The following SLC15A4 variants were observed in gnomAD, a reference collection of about 807,000 sequenced individuals.
SLC15A4 encodes hPHT1.
Under a neutral mutation model 46.1 loss-of-function variants are expected in SLC15A4, and 26 were observed. The ratio of observed to expected loss-of-function variants is 0.56; its 90% confidence interval spans 0.41 to 0.78. SLC15A4 has a LOEUF of 0.78. SLC15A4 is among the 30% of genes least tolerant of loss of function. The pLI is 0.00. For missense variants in SLC15A4, 751 were observed against 755.7 expected (o/e 0.99, Z 0.07); for synonymous variants, 370 against 333.4 (o/e 1.11, Z -1.20).
Position 128,808,856 on chromosome 12 carries a change from A to T in SLC15A4, c.1190T>A (p.Leu397Gln). The change falls in exon 5 of 8, where the codon CTG (leucine) becomes CAG (glutamine). Residue 397 changes from leucine to glutamine, a missense_variant. Coordinates refer to ENST00000266771, the MANE Select transcript of SLC15A4 (RefSeq NM_145648.4). ...LVDPILRRHG[L>Q]LPSSLKRIAV... ...GATCCTCTTCAGGGAGGATGGGAGCAGGCCATGTCTTCTCAAAATGGGATC... is the reference window on the plus strand; with the variant it reads ...GATCCTCTTCAGGGAGGATGGGAGCTGGCCATGTCTTCTCAAAATGGGATC... The T allele has an allele frequency of 3.1e-6, 5 of 1,614,246 alleles. No individual in the cohort carries two copies. The highest frequency in any genetic ancestry group is 4.2e-6 in the Non-Finnish European group (5 of 1,180,046).
chr12:128,812,118 T>C (rs1205359846), intron 2 of SLC15A4, among the ~76,000 whole-genome samples: 1 of 152,238 alleles, frequency 6.6e-6, no homozygotes, highest in African/African-American at 2.4e-5. Context: ...CAAAAAGCTG[T>C]AGAACCATTT....
intron 1 of SLC15A4, among the ~76,000 whole-genome samples, chr12:128,820,097 G>T (rs764727228): frequency 6.6e-6 from 1 of 152,210 alleles, no homozygotes; most frequent in Non-Finnish European, 1.5e-5. Flanking sequence ...ACACCTGTGT[G>T]GGGTGGCCAA....
At position 128,800,900 on chromosome 12, in the gene SLC15A4, C is replaced by A; in HGVS notation, c.1368G>T (p.Pro456=). 2.5e-6 allele frequency: 4 copies of A among 1,613,990 alleles called. No homozygotes were observed. The highest frequency in any genetic ancestry group is 1.1e-5 in the South Asian group (1 of 91,056). Residue 456 remains proline, a synonymous_variant, in exon 6 of 8, where the codon CCG becomes CCT. Transcript: ENST00000266771. The part of the protein sequence containing the change: ...AADLSLWWQV[P]QYLLIGISEI... Reference sequence around the variant, plus strand: ...CGCTGATCCCAATCAGCAAGTACTGCGGCACCTGCCACCACAGCGACAGAT... The same window carrying A: ...CGCTGATCCCAATCAGCAAGTACTGAGGCACCTGCCACCACAGCGACAGAT...
chr12:128,822,600 A>G (rs1271405155), intron 1 of SLC15A4, among the ~76,000 whole-genome samples: 1 of 151,838 alleles, frequency 6.6e-6, no homozygotes, highest in Non-Finnish European at 1.5e-5. Context: ...CTCAGGCTGG[A>G]GGAGTGGAGT....
chr12:128,817,527 C>T (rs1284706420), intron 1 of SLC15A4, among the ~76,000 whole-genome samples: 2 of 151,996 alleles, frequency 1.3e-5, no homozygotes, highest in Non-Finnish European at 2.9e-5. Flanking sequence ...TGACACTGCA[C>T]ACACCTTCCC....
At chr12:128,801,563 G>A (rs1955519291) in intron 5 of SLC15A4, 1 of 152,542 alleles carries the variant, frequency 6.6e-6, no homozygotes, top group Non-Finnish European at 1.5e-5. Flanking sequence ...AAATCAACCT[G>A]TGCTCTCAGC....
intron 7 of SLC15A4, among the ~76,000 whole-genome samples, chr12:128,795,982 CA>C (rs1955438144): frequency 6.6e-6 from 1 of 152,220 alleles, no homozygotes; most frequent in Non-Finnish European, 1.5e-5. Flanking sequence ...TGCTCCTCTT[CA>C]AAAACACTTT....
At chr12:128,812,311 T>G (rs1955667589) in intron 2 of SLC15A4, among the ~76,000 whole-genome samples, 2 of 129,646 alleles carry the variant, frequency 1.5e-5, no homozygotes, top group Admixed American at 7.3e-5. Context: ...AGGCCCAACT[T>G]TTTTTTTTTA....
chr12:128,795,644 C>A (rs1383610489), intron 7 of SLC15A4, among the ~76,000 whole-genome samples: 1 of 152,262 alleles, frequency 6.6e-6, no homozygotes, highest in Non-Finnish European at 1.5e-5. Flanking sequence ...ACTCTGCAAA[C>A]TGGCAGTCTC....
intron 4 of SLC15A4, 96 bp downstream of exon 4, chr12:128,809,300 T>G: frequency 1.3e-6 from 1 of 780,654 alleles, no homozygotes. Flanking sequence ...GTGTCGGTGC[T>G]GTTAACATTT....
intron 1 of SLC15A4, among the ~76,000 whole-genome samples, chr12:128,816,206 G>C (rs1955749452): frequency 6.6e-6 from 1 of 152,152 alleles, no homozygotes; most frequent in South Asian, 2.1e-4. Flanking sequence ...CAAGCGGTGG[G>C]AACAGGTCAT....
chr12:128,809,227 T>A (rs1485042738), intron 4 of SLC15A4, 169 bp downstream of exon 4: 18 of 587,360 alleles, frequency 3.1e-5, no homozygotes, highest in Non-Finnish European at 5.0e-5. Context: ...TAGCAAATGA[T>A]ACAACCAATG....
At chr12:128,797,831 C>T (rs761999529) in intron 7 of SLC15A4, among the ~76,000 whole-genome samples, 4 of 152,200 alleles carry the variant, frequency 2.6e-5, no homozygotes, top group Non-Finnish European at 5.9e-5. Context: ...AAGGGCTGCT[C>T]GACAGATGAG....
rs972712866 is a variant in SLC15A4 at position 128,793,413 on chromosome 12, G to A, written c.*783C>T. The stretch of plus-strand genomic sequence containing the variant: ...GAATGTTTTCCTTACATACAACCAT[G>A]ATCAGTCTTTAGTCTCAATCGTACC... On this transcript the variant is annotated 3_prime_UTR_variant, in exon 8 of 8. Coordinates refer to ENST00000266771, the MANE Select transcript of SLC15A4 (RefSeq NM_145648.4). The A allele has an allele frequency of 6.6e-6, 1 of 152,124 alleles. No individual in the cohort carries two copies. The highest frequency in any genetic ancestry group is 1.5e-5 in the Non-Finnish European group (1 of 68,018). The allele number at this position is 152,124 out of a possible 1,614,324, so 9.4% of individuals were successfully genotyped here.
chr12:128,801,246 A>T (rs948484743), intron 5 of SLC15A4: 3 of 389,252 alleles, frequency 7.7e-6, no homozygotes, highest in Non-Finnish European at 9.2e-6. Flanking sequence ...ACAGCATCTT[A>T]TATAAAATCA....
intron 1 of SLC15A4, among the ~76,000 whole-genome samples, chr12:128,821,872 G>A (rs1398520875): frequency 9.8e-5 from 13 of 132,874 alleles, no homozygotes; most frequent in Non-Finnish European, 7.9e-5. Flanking sequence ...GCAACAGAGC[G>A]AGACTCCGCC....
chr12:128,801,041 C>CA (rs1341208763), intron 5 of SLC15A4, 32 bp from the exon 6 acceptor site: 3 of 1,540,364 alleles, frequency 1.9e-6, no homozygotes, highest in Non-Finnish European at 2.6e-6. Flanking sequence ...GTGTAATATT[C>CA]ATTTATTAAC....
At position 128,823,501 on chromosome 12, in the gene SLC15A4, G is replaced by T. The variant is rs1305588550; in HGVS notation, c.443C>A (p.Ala148Asp). Residue 148 changes from alanine (A) to aspartate (D), a missense_variant, in exon 1 of 8, where the codon GCC (alanine) becomes GAC (aspartate). Coordinates refer to ENST00000266771, the MANE Select transcript of SLC15A4 (RefSeq NM_145648.4). Reference protein sequence around the residue: ...LLNCTAPGPDAAARCCSPATF... With the variant: ...LLNCTAPGPDDAARCCSPATF... ...GGCCGGTGAGCAGCAGCGGGCGGCG[G>T]CGTCGGGACCAGGCGCCGTGCAGTT... 95 of 1,484,542 alleles carry T rather than the reference G, an allele frequency of 6.4e-5. No homozygotes were observed. Among genetic ancestry groups the T allele is most frequent in the Non-Finnish European group, 8.4e-5 (95 of 1,124,596 alleles). 92.0% of individuals were successfully genotyped at this position (1,484,542 alleles called of 1,614,324 possible).
chr12:128,816,726 C>A (rs574281694), intron 1 of SLC15A4, among the ~76,000 whole-genome samples: 1 of 151,924 alleles, frequency 6.6e-6, no homozygotes, highest in South Asian at 2.1e-4. Context: ...CAGCTACCTG[C>A]GAGACTGAGG....
Sources: allele counts gnomAD v4.1 joint callset (sites outside exome capture counted in the v4.1 genomes callset), GRCh38; gene constraint gnomAD v4.1.1; transcripts MANE v1.5; gene names NCBI Gene and HGNC (gene_info 2026-07-23, HGNC 2026-07-21).